The following CCM2 variants were observed in gnomAD, a reference collection of about 807,000 sequenced individuals.
CCM2 encodes cerebral cavernous malformations 2 protein.
Under a neutral mutation model 44.9 loss-of-function variants are expected in CCM2, and 25 were observed. The ratio of observed to expected loss-of-function variants is 0.56; its 90% CI spans 0.41 to 0.78. CCM2 has a LOEUF of 0.78. Ranked by LOEUF, CCM2 falls within the 30% of genes least tolerant of loss-of-function variation. CCM2 has a pLI of 0.00. For missense variants in CCM2, 481 were observed against 580.6 expected (o/e 0.83, Z 1.76); for synonymous variants, 219 against 241.1 (o/e 0.91, Z 0.85).
intron 6 of CCM2, chr7:45,070,280 C>T (rs1022399720): frequency 1.3e-5 from 5 of 393,234 alleles, no homozygotes; most frequent in African/African-American, 6.2e-5. Flanking sequence ...GGAGAAGGCT[C>T]CTAGCACTGG....
At chr7:45,049,726 T>A (rs1406375008) in intron 2 of CCM2, among the ~76,000 whole-genome samples, 1 of 152,186 alleles carries the variant, frequency 6.6e-6, no homozygotes, top group African/African-American at 2.4e-5. Context: ...TGACAGACAT[T>A]TCCAAATTGC....
intron 4 of CCM2, among the ~76,000 whole-genome samples, chr7:45,066,759 C>T (rs2128748924): frequency 6.6e-6 from 1 of 152,242 alleles, no homozygotes; most frequent in Non-Finnish European, 1.5e-5. Flanking sequence ...TCGCTGCCCG[C>T]ATCCTTAGGC....
At chr7:45,058,275 G>A (rs187511869) in intron 2 of CCM2, among the ~76,000 whole-genome samples, 351 of 152,264 alleles carry the variant, frequency 2.3e-3, no homozygotes, top group Admixed American at 5.8e-3. Flanking sequence ...TGATCTTAGG[G>A]GGAAGGTATC....
chr7:45,075,398 C>A (rs191715168), intron 9 of CCM2, among the ~76,000 whole-genome samples: 1 of 152,374 alleles, frequency 6.6e-6, no homozygotes, highest in East Asian at 1.9e-4. Flanking sequence ...CAGCAGGTGG[C>A]TTTGAGCACT....
intron 1 of CCM2, among the ~76,000 whole-genome samples, chr7:45,007,917 T>G (rs1322086176): frequency 6.6e-6 from 1 of 152,252 alleles, no homozygotes; most frequent in Non-Finnish European, 1.5e-5. Context: ...TTCTATAGTT[T>G]AAAATTCCAT....
At chr7:45,066,827 A>T (rs1247737198) in intron 4 of CCM2, among the ~76,000 whole-genome samples, 4 of 152,208 alleles carry the variant, frequency 2.6e-5, no homozygotes, top group Non-Finnish European at 5.9e-5. Flanking sequence ...CCAACATTTA[A>T]AAATGTTTAA....
intron 1 of CCM2, among the ~76,000 whole-genome samples, chr7:45,001,029 T>C (rs985102708): frequency 2.0e-5 from 3 of 152,234 alleles, no homozygotes; most frequent in African/African-American, 4.8e-5. Context: ...TTTAATAAAA[T>C]GTATCTTTTT....
At chr7:45,049,204 G>T (rs1019069963) in intron 2 of CCM2, among the ~76,000 whole-genome samples, 6 of 152,156 alleles carry the variant, frequency 3.9e-5, no homozygotes, top group Non-Finnish European at 8.8e-5. Flanking sequence ...CGATCCTCCT[G>T]CCTCGGCTTC....
chr7:45,008,158 G>A (rs1286675015), intron 1 of CCM2, among the ~76,000 whole-genome samples: 2 of 149,968 alleles, frequency 1.3e-5, no homozygotes, highest in Non-Finnish European at 2.9e-5. Flanking sequence ...TTCTGCCTCA[G>A]CCTCCCAAGT....
chr7:45,012,916 T>C (rs1405631347), intron 1 of CCM2, among the ~76,000 whole-genome samples: 1 of 152,182 alleles, frequency 6.6e-6, no homozygotes, highest in Non-Finnish European at 1.5e-5. Context: ...TTAAACTGCA[T>C]GCTTTATAAA....
chr7:45,028,748 G>A (rs1324989923), intron 1 of CCM2, among the ~76,000 whole-genome samples: 1 of 151,784 alleles, frequency 6.6e-6, no homozygotes, highest in East Asian at 1.9e-4. Context: ...CTCCAGCACC[G>A]AGGAAAGGTC....
chr7:45,039,883 C>T (rs1337079046), intron 2 of CCM2, among the ~76,000 whole-genome samples: 2 of 151,786 alleles, frequency 1.3e-5, no homozygotes, highest in Admixed American at 1.3e-4. Context: ...AAAAATTAGC[C>T]GGGCGTGGTG....
Position 45,000,351 on chromosome 7 carries a change from G to A in CCM2, c.18G>A (p.Lys6=), listed in dbSNP as rs1795542037. 2 of 1,301,528 alleles carry A rather than the reference G, an allele frequency of 1.5e-6. No homozygotes were observed. The highest frequency in any genetic ancestry group is 3.4e-5 in the Admixed American group (1 of 29,848). 80.6% of individuals were successfully genotyped at this position (1,301,528 alleles called of 1,614,324 possible). A position where few individuals can be genotyped will look rare whatever the true frequency, so the allele number is the denominator to read the frequency against. ...GCGGCGATATGGAAGAGGAGGGCAA[G>A]AAGGGCAAGAAGGTGAGCGTGCGCG... MEEEG[K]KGKKPGIVSP... is the part of the protein sequence containing the mutation. Residue 6 remains lysine (K), a synonymous_variant, in exon 1 of 10, where the codon AAG becomes AAA. Coordinates refer to ENST00000258781, the MANE Select transcript of CCM2 (RefSeq NM_031443.4).
intron 2 of CCM2, among the ~76,000 whole-genome samples, chr7:45,042,347 G>C (rs1166826001): frequency 6.6e-6 from 1 of 151,580 alleles, no homozygotes; most frequent in Admixed American, 6.6e-5. Flanking sequence ...GTCCTGAAAA[G>C]AGAGGAGAAA....
At chr7:45,042,336 A>C (rs1797552491) in intron 2 of CCM2, among the ~76,000 whole-genome samples, 1 of 151,670 alleles carries the variant, frequency 6.6e-6, no homozygotes, top group South Asian at 2.1e-4. Flanking sequence ...GTATTGTTGA[A>C]GTCCTGAAAA....
intron 2 of CCM2, among the ~76,000 whole-genome samples, chr7:45,051,718 A>T (rs533314945): frequency 7.9e-5 from 12 of 152,302 alleles, no homozygotes; most frequent in African/African-American, 2.9e-4. Flanking sequence ...GTGCCACCAC[A>T]CATGGCTAGT....
chr7:45,076,364 C>A lies in CCM2; in HGVS notation c.*307C>A. 1 of 555,564 alleles carries A rather than the reference C, an allele frequency of 1.8e-6. No individual in the cohort carries two copies. The highest frequency in any genetic ancestry group is 1.6e-5 in the South Asian group (1 of 60,808). 34.4% of individuals were successfully genotyped at this position (555,564 alleles called of 1,614,324 possible). On this transcript the variant is annotated 3_prime_UTR_variant, in exon 10 of 10. Coordinates refer to ENST00000258781, the MANE Select transcript of CCM2 (RefSeq NM_031443.4). ...GGAGAGCCAGTCCTGTCGGCTGGGC[C>A]CTTGGACGGCTGTCAGTTTTGCACA...
rs369603230 is a variant in CCM2 at position 45,072,797 on chromosome 7, C to T, written c.803+14C>T. The T allele has an allele frequency of 2.2e-5, 36 of 1,607,148 alleles. No homozygotes were observed. Among genetic ancestry groups the T allele is most frequent in the Middle Eastern group, 2.0e-4 (1 of 4,978 alleles). Reference sequence around the variant, plus strand: ...AGCCAGCACTTTGTGAGTGCACATGCCACCAAGCCCTGCGGTGGGACACGC... The same window carrying T: ...AGCCAGCACTTTGTGAGTGCACATGTCACCAAGCCCTGCGGTGGGACACGC... On this transcript the variant is annotated intron_variant, in intron 7 of 9. Transcript: ENST00000258781.
intron 2 of CCM2, among the ~76,000 whole-genome samples, chr7:45,047,445 GA>G (rs1797810328): frequency 6.6e-6 from 1 of 152,198 alleles, no homozygotes; most frequent in South Asian, 2.1e-4. Flanking sequence ...GCTGAGGCTG[GA>G]GGATTGCTTG....
Sources: gnomAD v4.1 joint callset for allele counts (sites outside exome capture counted in the v4.1 genomes callset) on GRCh38, gnomAD v4.1.1 for gene constraint, MANE v1.5 for transcripts, NCBI Gene and HGNC (gene_info 2026-07-23, HGNC 2026-07-21) for gene names.